ERMARD: variants seen among roughly 807,000 people sequenced by gnomAD.
The protein encoded by ERMARD is endoplasmic reticulum membrane-associated RNA degradation protein.
Under a neutral mutation model 83.9 loss-of-function variants are expected in ERMARD, and 71 were observed. That is an observed-to-expected ratio of 0.85 (90% CI 0.70 to 1.03). The LOEUF is 1.03. Among genes scored for constraint, ERMARD ranks in the 50% least tolerant of loss-of-function variants. The pLI is 0.00. For synonymous variants in ERMARD, 284 were observed against 298.6 expected (o/e 0.95, Z 0.50); for missense variants, 838 against 810.9 (o/e 1.03, Z -0.41).
intron 4 of ERMARD, 90 bp from the exon 5 acceptor site, chr6:169,756,628 TC>T: frequency 8.5e-7 from 1 of 1,180,206 alleles, no homozygotes; most frequent in South Asian, 1.3e-5. Flanking sequence ...TTTTCACCCT[TC>T]ATTTGTACAA....
At position 169,775,331 on chromosome 6, in the gene ERMARD, C is replaced by T; in HGVS notation, c.1379C>T (p.Thr460Ile). The T allele has an allele frequency of 1.2e-6, 2 of 1,614,002 alleles. No homozygotes were observed. The highest frequency in any genetic ancestry group is 1.7e-6 in the Non-Finnish European group (2 of 1,179,862). ...CTGCTGCCTTTCCCCGAAGAACTCA[C>T]TCGGCAAGCCGTCAGGTGCGTGGCA... ...WALLPFPEEL[T>I]RQAVRLEDNS... The change falls in exon 14 of 18, where the codon ACT becomes ATT. Residue 460 changes from threonine (T) to isoleucine (I), a missense_variant. Thr to Ile is a moderately conservative substitution (Grantham distance 89). Coordinates refer to ENST00000366773, the MANE Select transcript of ERMARD (RefSeq NM_018341.3).
At chr6:169,776,167 T>A in intron 15 of ERMARD, 102 bp downstream of exon 15, 1 of 1,557,128 alleles carries the variant, frequency 6.4e-7, no homozygotes. Context: ...AACTTGGTAG[T>A]AGTCTTAGAA....
intron 5 of ERMARD, 114 bp from the exon 6 acceptor site, chr6:169,758,854 C>T (rs1459744361): frequency 3.3e-6 from 3 of 900,192 alleles, no homozygotes; most frequent in African/African-American, 1.7e-5. Context: ...CTGCTATATA[C>T]TAGCCAAAAC....
chr6:169,776,291 G>A lies in ERMARD; in HGVS notation c.1521-164G>A, dbSNP rs758640659. 1.6e-5 allele frequency: 25 copies of A among 1,551,494 alleles called. No homozygotes were observed. In the South Asian group the frequency reaches 2.7e-4, roughly 17 times the overall value. ...CACATTCTGTTTGCCACAATTCAGT[G>A]TGTTTAGTTAACACTTGCCGCGTGT... On this transcript the variant is annotated intron_variant, in intron 15 of 17. Transcript: ENST00000366773.
chr6:169,751,435 C>T, upstream of ERMARD: 1 of 1,614,096 alleles, frequency 6.2e-7, no homozygotes, highest in Non-Finnish European at 8.5e-7. Flanking sequence ...GGCTCGACTT[C>T]ACGCCTCGGC....
At chr6:169,767,878 AAC>A (rs1156545116) in intron 10 of ERMARD, 5 of 563,420 alleles carry the variant, frequency 8.9e-6, no homozygotes, top group Admixed American at 6.2e-5. Context: ...CACATACACA[AAC>A]ACACATGTGT....
chr6:169,769,454 C>T (rs900175976), intron 11 of ERMARD, 86 bp from the exon 12 acceptor site: 16 of 1,274,624 alleles, frequency 1.3e-5, no homozygotes, highest in South Asian at 1.6e-5. Flanking sequence ...TTGATGGATG[C>T]ACTCTTTCCT....
chr6:169,775,487 G>C, intron 14 of ERMARD, 141 bp downstream of exon 14: 1 of 927,626 alleles, frequency 1.1e-6, no homozygotes, highest in Non-Finnish European at 1.6e-6. Context: ...TGCAGGCTGT[G>C]GGGAGCTGGA....
At chr6:169,762,295 G>C in intron 8 of ERMARD, 134 bp from the exon 9 acceptor site, 1 of 750,950 alleles carries the variant, frequency 1.3e-6, no homozygotes. Flanking sequence ...GGCTGGTCTT[G>C]AACTCCTAGC....
rs1213957233 is a variant in ERMARD at position 169,755,288 on chromosome 6, G to C, written c.181G>C (p.Gly61Arg). The C allele has an allele frequency of 1.9e-6, 3 of 1,613,712 alleles. No individual in the cohort carries two copies. Among genetic ancestry groups the C allele is most frequent in the Non-Finnish European group, 2.5e-6 (3 of 1,179,918 alleles). The stretch of plus-strand genomic sequence containing the variant: ...TTGTTTTCTTATCCTTTAAGAGCAG[G>C]GTCTGGATTACTGGGGAAGCGTGAG... Reference protein sequence around the residue: ...DCVSYTESEQGLDYWGSVRLL... With the variant: ...DCVSYTESEQRLDYWGSVRLL... Residue 61 changes from glycine to arginine, a missense_variant, in exon 3 of 18, where the codon GGT becomes CGT. Gly to Arg is a moderately radical substitution (Grantham distance 125, BLOSUM62 -2). Transcript: ENST00000366773.
At chr6:169,757,843 A>G (rs1373528939) in intron 5 of ERMARD, among the ~76,000 whole-genome samples, 19 of 152,252 alleles carry the variant, frequency 1.2e-4, no homozygotes, top group Non-Finnish European at 1.5e-5. Flanking sequence ...GAATGAAGAT[A>G]AAAAGTACAA....
At position 169,781,392 on chromosome 6, in the gene ERMARD, AC is replaced by A; in HGVS notation, c.1917del (p.Asn639LysfsTer15). The part of the protein sequence containing the change: ...NLVAYTSYEK[N>X]KWNETINLTH... ...GTGGCTTACACCAGTTACGAAAAGA[AC>A]AAGTGGAATGAAACTATCAATCTTA... On this transcript the variant is annotated frameshift_variant, in exon 18 of 18. Transcript: ENST00000366773. LOFTEE classifies it low-confidence loss of function (END_TRUNC). The A allele has an allele frequency of 6.2e-7, 1 of 1,613,486 alleles. No homozygotes were observed. Among genetic ancestry groups the A allele is most frequent in the Non-Finnish European group, 8.5e-7 (1 of 1,179,868 alleles).
chr6:169,758,787 T>C (rs577074086), intron 5 of ERMARD, among the ~76,000 whole-genome samples, 181 bp from the exon 6 acceptor site: 1 of 152,344 alleles, frequency 6.6e-6, no homozygotes, highest in Admixed American at 6.5e-5. Context: ...TTGATGTACA[T>C]GTACAAAATG....
rs574797056 is a variant in ERMARD, at chr6:169,759,822, C to T, written c.606-16C>T. On this transcript the variant is annotated splice_polypyrimidine_tract_variant and intron_variant, in intron 6 of 17. Coordinates refer to ENST00000366773, the MANE Select transcript of ERMARD (RefSeq NM_018341.3). The stretch of plus-strand genomic sequence containing the variant: ...TTGAGTACATTTTTGTAACAGATCT[C>T]TATGGTATTTCCTAGATACTGTTCA... The T allele has an allele frequency of 3.1e-6, 5 of 1,603,430 alleles. No homozygotes were observed. In the African/African-American group the frequency reaches 6.7e-5, roughly 21 times the overall value.
intron 12 of ERMARD, 60 bp from the exon 13 acceptor site, chr6:169,773,259 A>T: frequency 6.8e-7 from 1 of 1,465,738 alleles, no homozygotes; most frequent in Non-Finnish European, 9.5e-7. Context: ...CTACAGTTCA[A>T]TAGAAGAAAG....
intron 9 of ERMARD, 81 bp from the exon 10 acceptor site, chr6:169,766,557 A>G: frequency 8.3e-7 from 1 of 1,200,188 alleles, no homozygotes; most frequent in Non-Finnish European, 1.2e-6. Flanking sequence ...CATGTACCAG[A>G]ATTTTTTCTT....
At chr6:169,756,275 ATAT>A (rs1790800802) in intron 3 of ERMARD, 60 bp from the exon 4 acceptor site, 1 of 1,000,968 alleles carries the variant, frequency 1.0e-6, no homozygotes, top group Admixed American at 2.5e-5. Flanking sequence ...TCAATAAATA[ATAT>A]TGTTGCTTTG....
chr6:169,756,535 C>A, intron 4 of ERMARD, 96 bp downstream of exon 4: 1 of 1,060,222 alleles, frequency 9.4e-7, no homozygotes. Context: ...GATTATTTTC[C>A]TATAAGATAA....
At position 169,781,357 on chromosome 6, in the gene ERMARD, G is replaced by C. The variant is rs142977947; in HGVS notation, c.1881G>C (p.Thr627=). 1 of 1,610,204 alleles carries C rather than the reference G, an allele frequency of 6.2e-7. No individual in the cohort carries two copies. The highest frequency in any genetic ancestry group is 2.2e-5 in the East Asian group (1 of 44,824). Reference sequence around the variant, plus strand: ...TTGTAAAGTCGATCTTGCAGTACACGGAGAACCTGGTGGCTTACACCAGTT... The same window carrying C: ...TTGTAAAGTCGATCTTGCAGTACACCGAGAACCTGGTGGCTTACACCAGTT... ...LKFVKSILQY[T]ENLVAYTSYE... Residue 627 remains threonine (T), a synonymous_variant, in exon 18 of 18, where the codon ACG becomes ACC. Transcript: ENST00000366773.
Sources: gnomAD v4.1 joint callset for allele counts (sites outside exome capture counted in the v4.1 genomes callset) on GRCh38, gnomAD v4.1.1 for gene constraint, MANE v1.5 for transcripts, NCBI Gene and HGNC (gene_info 2026-07-23, HGNC 2026-07-21) for gene names.